Variants in SCYL2 observed in about 807,000 individuals in gnomAD.
The protein encoded by SCYL2 is SCY1 like pseudokinase 2.
Under a neutral mutation model 100.4 loss-of-function variants are expected in SCYL2, and 36 were observed. The ratio of observed to expected loss-of-function variants is 0.36; its 90% CI spans 0.27 to 0.47. SCYL2 has a LOEUF of 0.47. Ranked by LOEUF, SCYL2 falls within the 20% of genes least tolerant of loss-of-function variation. The pLI is 1.00. For synonymous variants in SCYL2, 330 were observed against 359.2 expected (o/e 0.92, Z 0.92); for missense variants, 902 against 1,083.9 (o/e 0.83, Z 2.36).
At chr12:100,273,368 T>C (rs1287761695) in intron 1 of SCYL2, among the ~76,000 whole-genome samples, 1 of 152,172 alleles carries the variant, frequency 6.6e-6, no homozygotes, top group Non-Finnish European at 1.5e-5. Context: ...TGTGCATGTA[T>C]ATTCTGTAGC....
At chr12:100,310,694 T>C (rs948313699) in intron 4 of SCYL2, among the ~76,000 whole-genome samples, 1 of 152,246 alleles carries the variant, frequency 6.6e-6, no homozygotes, top group Non-Finnish European at 1.5e-5. Flanking sequence ...TAATATTCAC[T>C]GTCTGCAACT....
chr12:100,324,167 A>G (rs1359815544), intron 11 of SCYL2, among the ~76,000 whole-genome samples: 1 of 152,198 alleles, frequency 6.6e-6, no homozygotes, highest in Non-Finnish European at 1.5e-5. Flanking sequence ...CCTTCTTTGA[A>G]TACAAAATTT....
intron 1 of SCYL2, among the ~76,000 whole-genome samples, chr12:100,281,614 A>C (rs2135826070): frequency 6.6e-6 from 1 of 152,286 alleles, no homozygotes; most frequent in Non-Finnish European, 1.5e-5. Context: ...CGGGCAGATC[A>C]CAAGGTCAGG....
At chr12:100,303,944 A>T (rs1369363666) in intron 4 of SCYL2, among the ~76,000 whole-genome samples, 1 of 152,124 alleles carries the variant, frequency 6.6e-6, no homozygotes, top group African/African-American at 2.4e-5. Context: ...CCTTTCTTTC[A>T]TAGATGCCTG....
chr12:100,337,495 A>G lies in SCYL2; in HGVS notation c.2134A>G (p.Thr712Ala), dbSNP rs140190649. 6.8e-6 allele frequency: 11 copies of G among 1,613,418 alleles called. No homozygotes were observed. Among genetic ancestry groups the G allele is most frequent in the African/African-American group, 4.0e-5 (3 of 74,912 alleles). The stretch of plus-strand genomic sequence containing the variant: ...ACCCCAAGTGCACACACCTGTTGCT[A>G]CTGTTAAACAGGTCAGAGTTCATTT... ...LKPQVHTPVA[T>A]VKQTKDLTDT... The change falls in exon 17 of 18, where the codon ACT (threonine) becomes GCT (alanine). Residue 712 changes from threonine to alanine, a missense_variant. Thr to Ala is a moderately conservative substitution (Grantham distance 58). Transcript: ENST00000360820.
At position 100,323,562 on chromosome 12, in the gene SCYL2, T is replaced by G; in HGVS notation, c.1433T>G (p.Leu478Arg). The change falls in exon 11 of 18, where the codon CTT becomes CGT. Residue 478 changes from leucine to arginine, a missense_variant. Transcript: ENST00000360820. Reference protein sequence around the residue: ...CLNIIPTFANLIDYPSMKNAL... With the variant: ...CLNIIPTFANRIDYPSMKNAL... ...AACATCATTCCAACCTTTGCAAATC[T>G]TATAGACTACCCATCCATGAAAAAC... 1.2e-6 allele frequency: 2 copies of G among 1,604,328 alleles called. No homozygotes were observed. Among genetic ancestry groups the G allele is most frequent in the Non-Finnish European group, 1.7e-6 (2 of 1,174,304 alleles).
chr12:100,338,512 C>G lies in SCYL2; in HGVS notation c.2146-16C>G. ...TATATTTCTTAGAGATAAAGTAATTCTCTCATATTTTTCAGACTAAGGACT... is the reference window on the plus strand; with the variant it reads ...TATATTTCTTAGAGATAAAGTAATTGTCTCATATTTTTCAGACTAAGGACT... On this transcript the variant is annotated splice_polypyrimidine_tract_variant and intron_variant, in intron 17 of 17. Coordinates refer to ENST00000360820, the MANE Select transcript of SCYL2 (RefSeq NM_017988.6). 6.6e-7 allele frequency: 1 copy of G among 1,526,438 alleles called. No individual in the cohort carries two copies. The highest frequency in any genetic ancestry group is 2.3e-5 in the East Asian group (1 of 44,286). The allele number at this position is 1,526,438 out of a possible 1,614,324, so 94.6% of individuals were successfully genotyped here.
At chr12:100,273,672 C>T (rs2096289779) in intron 1 of SCYL2, among the ~76,000 whole-genome samples, 1 of 152,152 alleles carries the variant, frequency 6.6e-6, no homozygotes, top group African/African-American at 2.4e-5. Flanking sequence ...CAGACCACAC[C>T]ATAGTCTTCC....
Position 100,338,540 on chromosome 12 carries a change from A to T in SCYL2, c.2158A>T (p.Thr720Ser), listed in dbSNP as rs763873645. The T allele has an allele frequency of 2.2e-5, 35 of 1,602,514 alleles. No homozygotes were observed. The highest frequency in any genetic ancestry group is 3.0e-5 in the Non-Finnish European group (35 of 1,174,420). ...VATVKQTKDL[T>S]DTLMDNMSSL... ...TCATATTTTTCAGACTAAGGACTTG[A>T]CAGACACACTGATGGATAATATGTC... Residue 720 changes from threonine to serine, a missense_variant, in exon 18 of 18, where the codon ACA becomes TCA. Thr to Ser is a moderately conservative substitution (Grantham distance 58, BLOSUM62 1). Transcript: ENST00000360820.
At chr12:100,318,058 C>A in intron 10 of SCYL2, 133 bp downstream of exon 10, 1 of 777,112 alleles carries the variant, frequency 1.3e-6, no homozygotes, top group Non-Finnish European at 1.9e-6. Flanking sequence ...TTTTGAATCA[C>A]ATTATTGATA....
intron 1 of SCYL2, among the ~76,000 whole-genome samples, chr12:100,277,544 A>G (rs1445017943): frequency 6.6e-6 from 1 of 152,132 alleles, no homozygotes; most frequent in Non-Finnish European, 1.5e-5. Context: ...TGTTATTAAT[A>G]TTGCCACTCC....
chr12:100,298,714 G>T (rs1362775807), intron 4 of SCYL2, among the ~76,000 whole-genome samples: 7 of 152,078 alleles, frequency 4.6e-5, no homozygotes, highest in Non-Finnish European at 1.0e-4. Flanking sequence ...CTCCCCAGTA[G>T]CTGGGATTAC....
rs750574524 is a variant in SCYL2 at position 100,291,513 on chromosome 12, T to C, written c.188T>C (p.Val63Ala). The C allele has an allele frequency of 1.3e-6, 2 of 1,550,718 alleles. No individual in the cohort carries two copies. Among genetic ancestry groups the C allele is most frequent in the Non-Finnish European group, 1.7e-6 (2 of 1,150,256 alleles). The change falls in exon 3 of 18, where the codon GTT (valine) becomes GCT (alanine). Residue 63 changes from valine to alanine, a missense_variant. By Grantham distance (64) the Val-to-Ala change is moderately conservative. Transcript: ENST00000360820. ...AATTCTTTTATTTAGGAAGTGGCAGTTTTTGTCTTTGATAAAAAACTGATT... is the reference window on the plus strand; with the variant it reads ...AATTCTTTTATTTAGGAAGTGGCAGCTTTTGTCTTTGATAAAAAACTGATT... ...TKKSTKQEVAVFVFDKKLIDK... is the reference protein window; with the variant it reads ...TKKSTKQEVAAFVFDKKLIDK...
intron 11 of SCYL2, 51 bp from the exon 12 acceptor site, chr12:100,326,571 T>C (rs775120351): frequency 7.4e-7 from 1 of 1,344,990 alleles, no homozygotes; most frequent in Non-Finnish European, 1.0e-6. Flanking sequence ...AATATTTTGT[T>C]CTAGATTTTG....
intron 1 of SCYL2, among the ~76,000 whole-genome samples, chr12:100,271,446 T>G (rs1251789134): frequency 1.3e-5 from 2 of 152,190 alleles, no homozygotes; most frequent in Non-Finnish European, 2.9e-5. Context: ...TAATTAGAAT[T>G]ACAAAAATTC....
At chr12:100,316,151 T>C (rs1249901491) in intron 9 of SCYL2, among the ~76,000 whole-genome samples, 1 of 152,262 alleles carries the variant, frequency 6.6e-6, no homozygotes, top group Non-Finnish European at 1.5e-5. Context: ...TGCCAGTTGT[T>C]TCTCTCCATT....
intron 4 of SCYL2, among the ~76,000 whole-genome samples, chr12:100,303,880 C>T (rs2096330725): frequency 6.6e-6 from 1 of 152,132 alleles, no homozygotes; most frequent in South Asian, 2.1e-4. Context: ...CCCTCAAATG[C>T]TCTGTCTCAG....
chr12:100,339,359 C>A lies in SCYL2; in HGVS notation c.*187C>A. On this transcript the variant is annotated 3_prime_UTR_variant, in exon 18 of 18. Coordinates refer to ENST00000360820, the MANE Select transcript of SCYL2 (RefSeq NM_017988.6). Reference sequence around the variant, plus strand: ...TTCTAACCAGTTGAGTTTTTTAAAGCATTGAGGATTTTTTCCTCTTACCAA... The same window carrying A: ...TTCTAACCAGTTGAGTTTTTTAAAGAATTGAGGATTTTTTCCTCTTACCAA... The A allele has an allele frequency of 1.7e-6, 1 of 585,158 alleles. No individual in the cohort carries two copies. Among genetic ancestry groups the A allele is most frequent in the Non-Finnish European group, 2.8e-6 (1 of 353,616 alleles). 36.2% of individuals were successfully genotyped at this position (585,158 alleles called of 1,614,324 possible). A position where few individuals can be genotyped will look rare whatever the true frequency, so the allele number is the denominator to read the frequency against.
intron 9 of SCYL2, among the ~76,000 whole-genome samples, chr12:100,316,719 C>G (rs1012203524): frequency 3.9e-5 from 6 of 152,188 alleles, no homozygotes; most frequent in African/African-American, 1.4e-4. Context: ...GTTCCCTAAG[C>G]TATGCATCAG....
Sources: gnomAD v4.1 joint callset for allele counts (sites outside exome capture counted in the v4.1 genomes callset) on GRCh38, gnomAD v4.1.1 for gene constraint, MANE v1.5 for transcripts, NCBI Gene and HGNC (gene_info 2026-07-23, HGNC 2026-07-21) for gene names.